Variants in MME observed in about 807,000 individuals in gnomAD.
MME encodes the protein neprilysin.
Under a neutral mutation model 113.2 loss-of-function variants are expected in MME, and 98 were observed. The ratio of observed to expected loss-of-function variants is 0.87; its 90% confidence interval spans 0.74 to 1.02. The LOEUF is 1.02. Ranked by LOEUF, MME falls within the 50% of genes least tolerant of loss-of-function variation. MME has a pLI of 0.00. For synonymous variants in MME, 292 were observed against 300.6 expected, an observed-to-expected ratio of 0.97 and a Z score of 0.30; for missense variants, 836 against 896.0, an observed-to-expected ratio of 0.93 and a Z score of 0.86.
At chr3:155,036,140 C>A (rs1713119911) in intron 1 of MME, among the ~76,000 whole-genome samples, 1 of 152,020 alleles carries the variant, frequency 6.6e-6, no homozygotes, top group African/African-American at 2.4e-5. Flanking sequence ...ATATTTATGG[C>A]CTGTGCAACT....
intron 8 of MME, among the ~76,000 whole-genome samples, chr3:155,130,122 G>A (rs1034675801): frequency 1.3e-5 from 2 of 152,104 alleles, no homozygotes; most frequent in African/African-American, 4.8e-5. Flanking sequence ...AAATATTTGA[G>A]CATAATTACA....
chr3:155,154,378 G>T lies in MME; in HGVS notation c.1601+5725G>T, dbSNP rs571040963. Among the ~76,000 whole-genome samples the T allele has an allele frequency of 1.1e-4, 16 of 152,240 alleles. No homozygotes were observed. The South Asian group carries it at 3.1e-3, about 30-fold the overall frequency. On this transcript the variant is annotated intron_variant, in intron 16 of 22. Coordinates refer to ENST00000360490, the MANE Select transcript of MME (RefSeq NM_007289.4). ...CACTGTAGTTTTGCCACTGCAATGA[G>T]TGCCTAATACTCTTTTAGTGTTCCA...
At chr3:155,154,971 G>T (rs1256714350) in intron 16 of MME, among the ~76,000 whole-genome samples, 1 of 152,176 alleles carries the variant, frequency 6.6e-6, no homozygotes, top group Non-Finnish European at 1.5e-5. Flanking sequence ...GGCAGTATCT[G>T]CCATGGCATC....
intron 1 of MME, among the ~76,000 whole-genome samples, chr3:155,047,863 G>A (rs894681549): frequency 6.6e-6 from 1 of 152,128 alleles, no homozygotes; most frequent in Admixed American, 6.6e-5. Flanking sequence ...CATTTCTGTA[G>A]GTGGTAATTT....
chr3:155,109,574 G>A (rs1718002291), intron 3 of MME, among the ~76,000 whole-genome samples: 1 of 152,152 alleles, frequency 6.6e-6, no homozygotes, highest in Non-Finnish European at 1.5e-5. Context: ...AAGTAAGTAT[G>A]GGACTATACT....
intron 17 of MME, among the ~76,000 whole-genome samples, chr3:155,163,012 CA>C (rs57700088): frequency 0.064 from 4,972 of 78,270 alleles, 118 homozygotes; most frequent in East Asian, 0.2. Context: ...AACTCTGTCT[CA>C]AAAAAAAAAA....
upstream of MME, among the ~76,000 whole-genome samples, chr3:155,077,548 A>T (rs1248850156): frequency 2.0e-5 from 3 of 152,108 alleles, no homozygotes; most frequent in Non-Finnish European, 4.4e-5. Flanking sequence ...AAACAAACAA[A>T]CAACAACAAC....
intron 8 of MME, among the ~76,000 whole-genome samples, chr3:155,122,258 G>A (rs1434931570): frequency 6.6e-6 from 1 of 152,086 alleles, no homozygotes; most frequent in African/African-American, 2.4e-5. Flanking sequence ...AGGATCGGTG[G>A]TGATATCCCC....
chr3:155,079,794 G>C (rs915963791), upstream of MME: 3 of 152,540 alleles, frequency 2.0e-5, no homozygotes, highest in African/African-American at 7.2e-5. Context: ...GGATGCCCAG[G>C]TGCCTCGTCG....
chr3:155,043,440 T>C (rs1227339332), intron 1 of MME, among the ~76,000 whole-genome samples: 2 of 151,908 alleles, frequency 1.3e-5, no homozygotes, highest in African/African-American at 4.8e-5. Flanking sequence ...CAAGCGATTC[T>C]CCTGCCTCAG....
chr3:155,027,751 C>T (rs1712834852), intron 1 of MME, among the ~76,000 whole-genome samples: 1 of 152,128 alleles, frequency 6.6e-6, no homozygotes, highest in Non-Finnish European at 1.5e-5. Context: ...TAAAAACACA[C>T]AAATAGTTTA....
At chr3:155,072,147 G>A (rs1425940818) in intron 1 of MME, among the ~76,000 whole-genome samples, 1 of 116,728 alleles carries the variant, frequency 8.6e-6, no homozygotes, top group African/African-American at 3.2e-5. Flanking sequence ...CGGCCTGGGC[G>A]ACAGAGCGAG....
At chr3:155,167,054 G>C (rs770292658) in intron 18 of MME, 33 bp downstream of exon 18, 1 of 1,612,102 alleles carries the variant, frequency 6.2e-7, no homozygotes, top group East Asian at 2.2e-5. Flanking sequence ...CTTTGGCTGA[G>C]GTATATGCTC....
rs201715223 is a variant in MME, at chr3:155,117,036, C to A, written c.654+50C>A. On this transcript the variant is annotated intron_variant, in intron 7 of 22. Transcript: ENST00000360490. ...AAGTTACCTTTAAATTGTAATAAAA[C>A]TTCCACATACATTGTTGTTATTGAT... is the stretch of plus-strand genomic sequence containing the variant. The A allele has an allele frequency of 3.5e-5, 35 of 991,914 alleles. No homozygotes were observed. In the South Asian group the frequency reaches 4.3e-4, roughly 12 times the overall value. The allele number at this position is 991,914 out of a possible 1,614,324, so 61.4% of individuals were successfully genotyped here.
intron 9 of MME, 116 bp downstream of exon 9, chr3:155,138,352 G>T: frequency 9.6e-7 from 1 of 1,040,416 alleles, no homozygotes; most frequent in Non-Finnish European, 1.5e-6. Flanking sequence ...TAGTAAAAAT[G>T]CATGGCTTGG....
At chr3:155,160,333 G>A in intron 16 of MME, 57 bp from the exon 17 acceptor site, 2 of 1,111,994 alleles carry the variant, frequency 1.8e-6, no homozygotes, top group Non-Finnish European at 2.8e-6. Flanking sequence ...AATTGTGTGA[G>A]TGGGTTGAAT....
chr3:155,028,822 C>T (rs929663908), intron 1 of MME, among the ~76,000 whole-genome samples: 1 of 152,094 alleles, frequency 6.6e-6, no homozygotes, highest in Admixed American at 6.5e-5. Flanking sequence ...CTCTCTTGGA[C>T]TTCTAGGGGT....
chr3:155,127,627 G>T (rs1175954169), intron 8 of MME, among the ~76,000 whole-genome samples: 2 of 152,162 alleles, frequency 1.3e-5, no homozygotes, highest in African/African-American at 4.8e-5. Context: ...ATGTCATTTA[G>T]CATACTCTGC....
At chr3:155,110,748 G>T (rs1277033456) in intron 3 of MME, among the ~76,000 whole-genome samples, 7 of 152,060 alleles carry the variant, frequency 4.6e-5, no homozygotes, top group Admixed American at 6.5e-5. Flanking sequence ...GAAAATAAAG[G>T]TAAGCAAATA....
Sources: allele counts gnomAD v4.1 joint callset (sites outside exome capture counted in the v4.1 genomes callset), GRCh38; gene constraint gnomAD v4.1.1; transcripts MANE v1.5; gene names NCBI Gene and HGNC (gene_info 2026-07-23, HGNC 2026-07-21).